The following ROS1 variants were observed in gnomAD, a reference collection of about 807,000 sequenced individuals.
The protein encoded by ROS1 is ROS proto-oncogene 1, receptor tyrosine kinase.
Under a neutral mutation model 273.5 loss-of-function variants are expected in ROS1, and 263 were observed. The ratio of observed to expected loss-of-function variants is 0.96; its 90% confidence interval spans 0.87 to 1.06. The LOEUF (loss-of-function observed/expected upper bound fraction) is 1.06. Among genes scored for constraint, ROS1 ranks in the 50% least tolerant of loss-of-function variants. The pLI is 0.00. For synonymous variants in ROS1, 1,008 were observed against 954.1 expected, an observed-to-expected ratio of 1.06 and a Z score of -1.04; for missense variants, 2,833 against 2,751.1, an observed-to-expected ratio of 1.03 and a Z score of -0.67.
rs1187748126 is a variant in ROS1 at position 117,288,733 on chromosome 6, T to G, written c.6785A>C (p.Asn2262Thr). The change falls in exon 44 of 44, where the codon AAC becomes ACC. Residue 2262 changes from asparagine (N) to threonine (T), a missense_variant. Transcript: ENST00000368507. Reference sequence around the variant, plus strand: ...TACCATATAGTTTAACCCTTCTCGGTTCTTCGTTTCCATTAAAGCAACTGG... The same window carrying G: ...TACCATATAGTTTAACCCTTCTCGGGTCTTCGTTTCCATTAAAGCAACTGG... ...IMPVALMETKNREGLNYMVLA... is the reference protein window; with the variant it reads ...IMPVALMETKTREGLNYMVLA... The G allele has an allele frequency of 6.2e-7, 1 of 1,614,028 alleles. No homozygotes were observed. Among genetic ancestry groups the G allele is most frequent in the South Asian group, 1.1e-5 (1 of 91,012 alleles).
At chr6:117,414,490 T>C (rs947818760) in intron 4 of ROS1, 29 bp downstream of exon 4, 17 of 744,274 alleles carry the variant, frequency 2.3e-5, no homozygotes, top group Non-Finnish European at 3.7e-5. Context: ...TGTGGCTTGA[T>C]TACATCTTTT....
chr6:117,398,648 C>A (rs1266111543), intron 7 of ROS1, among the ~76,000 whole-genome samples: 3 of 141,934 alleles, frequency 2.1e-5, no homozygotes, highest in Non-Finnish European at 4.5e-5. Flanking sequence ...CACTGCACTG[C>A]AACCTGGGTG....
intron 5 of ROS1, 76 bp downstream of exon 5, chr6:117,409,505 GT>G: frequency 1.0e-6 from 1 of 998,978 alleles, no homozygotes; most frequent in African/African-American, 1.6e-5. Context: ...TTTGAGAGGT[GT>G]TTCGTTATCT....
At position 117,357,955 on chromosome 6, in the gene ROS1, A is replaced by G; in HGVS notation, c.3688T>C (p.Ser1230Pro). The G allele has an allele frequency of 6.2e-7, 1 of 1,613,820 alleles. No homozygotes were observed. Among genetic ancestry groups the G allele is most frequent in the African/African-American group, 1.3e-5 (1 of 75,062 alleles). Reference protein sequence around the residue: ...DITVITIDWISRHLYFALKES... With the variant: ...DITVITIDWIPRHLYFALKES... Reference sequence around the variant, plus strand: ...TTCAGTGCAAAGTAGAGGTGCCTTGAAATCCAGTCAATTGTAATAACTGTG... The same window carrying G: ...TTCAGTGCAAAGTAGAGGTGCCTTGGAATCCAGTCAATTGTAATAACTGTG... The change falls in exon 25 of 44, where the codon TCA (serine) becomes CCA (proline). Residue 1230 changes from serine (S) to proline (P), a missense_variant. Transcript: ENST00000368507.
In ROS1 at chr6:117,301,112, C is replaced by T; in HGVS notation, c.6577G>A (p.Ala2193Thr). 6.3e-7 allele frequency: 1 copy of T among 1,597,254 alleles called. No homozygotes were observed. The highest frequency in any genetic ancestry group is 2.3e-5 in the East Asian group (1 of 44,184). The change falls in exon 43 of 44, where the codon GCT (alanine) becomes ACT (threonine). Residue 2193 changes from alanine (A) to threonine (T), a missense_variant. Physicochemically the swap from Ala to Thr is moderately conservative, Grantham distance 58. Transcript: ENST00000368507. ...GTAGGTCTTTGGTCGGGTTCTTGAGCCCAGCACTGGGTCATTAAATTCCAC... is the reference window on the plus strand; with the variant it reads ...GTAGGTCTTTGGTCGGGTTCTTGAGTCCAGCACTGGGTCATTAAATTCCAC... ...DLWNLMTQCW[A>T]QEPDQRPTFH...
At chr6:117,350,157 A>G (rs1778705416) in intron 27 of ROS1, among the ~76,000 whole-genome samples, 1 of 151,820 alleles carries the variant, frequency 6.6e-6, no homozygotes, top group Admixed American at 6.6e-5. Context: ...TTCTTTTAAC[A>G]TTTCTTCCAA....
chr6:117,344,896 T>C (rs1778248916), intron 27 of ROS1, among the ~76,000 whole-genome samples: 1 of 152,180 alleles, frequency 6.6e-6, no homozygotes, highest in Non-Finnish European at 1.5e-5. Flanking sequence ...ACCAGTGCAG[T>C]AGCGCAACCA....
At chr6:117,355,575 T>C (rs910499631) in intron 26 of ROS1, among the ~76,000 whole-genome samples, 1 of 152,140 alleles carries the variant, frequency 6.6e-6, no homozygotes, top group African/African-American at 2.4e-5. Context: ...GTTTAGCTAG[T>C]GTGACTGCGA....
At chr6:117,405,231 G>C (rs1429212797) in intron 5 of ROS1, among the ~76,000 whole-genome samples, 1 of 152,142 alleles carries the variant, frequency 6.6e-6, no homozygotes, top group Non-Finnish European at 1.5e-5. Context: ...CTCTGGTTAA[G>C]AGAAAATTGA....
At chr6:117,345,975 T>G (rs1778340162) in intron 27 of ROS1, among the ~76,000 whole-genome samples, 1 of 152,136 alleles carries the variant, frequency 6.6e-6, no homozygotes, top group African/African-American at 2.4e-5. Context: ...GAACCTAAGT[T>G]TGAGGACATT....
chr6:117,351,734 G>A (rs928148826), intron 27 of ROS1, among the ~76,000 whole-genome samples: 2 of 152,180 alleles, frequency 1.3e-5, no homozygotes, highest in African/African-American at 4.8e-5. Flanking sequence ...GTGGATCCAA[G>A]AAGAGCTGTT....
chr6:117,409,285 T>A lies in ROS1; in HGVS notation c.316+297A>T, dbSNP rs571664837. ...TCTGACATCAAGTCTGCTCAGGATG[T>A]ACATTTGTCTGTCATTAAGAGAGAA... On this transcript the variant is annotated intron_variant, in intron 5 of 43. Coordinates refer to ENST00000368507, the MANE Select transcript of ROS1 (RefSeq NM_001378902.1). 4.6e-5 allele frequency among the ~76,000 whole-genome samples: 7 copies of A among 152,216 alleles called. No homozygotes were observed. In the South Asian group the frequency reaches 1.5e-3, roughly 32 times the overall value.
chr6:117,297,277 C>T (rs746759457), intron 43 of ROS1, among the ~76,000 whole-genome samples: 9 of 152,030 alleles, frequency 5.9e-5, no homozygotes, highest in Middle Eastern at 3.2e-3. Context: ...AGAAGAAAGC[C>T]TAAGGAAAAC....
At position 117,362,604 on chromosome 6, in the gene ROS1, T is replaced by A; in HGVS notation, c.3365A>T (p.Gln1122Leu). 6.2e-7 allele frequency: 1 copy of A among 1,611,976 alleles called. No homozygotes were observed. The highest frequency in any genetic ancestry group is 8.5e-7 in the Non-Finnish European group (1 of 1,179,094). The change falls in exon 22 of 44, where the codon CAG (glutamine) becomes CTG (leucine). Residue 1122 changes from glutamine to leucine, a missense_variant and splice_region_variant. Transcript: ENST00000368507. The stretch of plus-strand genomic sequence containing the variant: ...TATCTTCTGTTTTCTCTCTCATACC[T>A]GGAAGGCAATAAAGCATCTGGGACT... ...GMSPRCFIAFQVRAFTSKGPG... is the reference protein window; with the variant it reads ...GMSPRCFIAFLVRAFTSKGPG...
At chr6:117,338,339 C>G (rs1237959508) in intron 31 of ROS1, among the ~76,000 whole-genome samples, 1 of 151,498 alleles carries the variant, frequency 6.6e-6, no homozygotes, top group Non-Finnish European at 1.5e-5. Context: ...CCACTATGTA[C>G]AGTAAGAAAG....
At chr6:117,397,459 G>A (rs1389164598) in intron 7 of ROS1, among the ~76,000 whole-genome samples, 3 of 152,172 alleles carry the variant, frequency 2.0e-5, no homozygotes, top group Non-Finnish European at 4.4e-5. Context: ...AGTTTAGGAA[G>A]AAGAGGAGAG....
chr6:117,381,007 A>T (rs1356517376), intron 17 of ROS1, among the ~76,000 whole-genome samples: 1 of 152,084 alleles, frequency 6.6e-6, no homozygotes, highest in Non-Finnish European at 1.5e-5. Flanking sequence ...TGTACATGAC[A>T]TCAATGAACA....
At chr6:117,383,990 A>G (rs554693101) in intron 16 of ROS1, among the ~76,000 whole-genome samples, 3 of 152,328 alleles carry the variant, frequency 2.0e-5, no homozygotes, top group Non-Finnish European at 4.4e-5. Context: ...TAATCCTCAC[A>G]TTAAGCTTAT....
intron 16 of ROS1, among the ~76,000 whole-genome samples, chr6:117,384,297 T>C (rs1277872513): frequency 6.6e-6 from 1 of 152,210 alleles, no homozygotes; most frequent in Non-Finnish European, 1.5e-5. Context: ...ATTTTATATA[T>C]GTATTTTATC....
Sources: gnomAD v4.1 joint callset for allele counts (sites outside exome capture counted in the v4.1 genomes callset) on GRCh38, gnomAD v4.1.1 for gene constraint, MANE v1.5 for transcripts, NCBI Gene and HGNC (gene_info 2026-07-23, HGNC 2026-07-21) for gene names.